RGS7BP: variants seen among roughly 807,000 people sequenced by gnomAD.
The protein encoded by RGS7BP is regulator of G protein signaling 7 binding protein.
Under a neutral mutation model 31.3 loss-of-function variants are expected in RGS7BP, and 9 were observed. That is an observed-to-expected ratio of 0.29 (90% confidence interval 0.17 to 0.50). The LOEUF (loss-of-function observed/expected upper bound fraction) is 0.50, where lower values mean the gene tolerates loss of function less well. Ranked by LOEUF, RGS7BP falls within the 20% of genes least tolerant of loss-of-function variation. RGS7BP has a pLI of 0.98. For synonymous variants in RGS7BP, 115 were observed against 120.1 expected, an observed-to-expected ratio of 0.96 and a Z score of 0.28; for missense variants, 274 against 322.0, an observed-to-expected ratio of 0.85 and a Z score of 1.14.
intron 2 of RGS7BP, among the ~76,000 whole-genome samples, chr5:64,548,695 C>T (rs148311969): frequency 0.012 from 1,884 of 151,874 alleles, 46 homozygotes; most frequent in African/African-American, 0.043. Flanking sequence ...TTAGTAGAGA[C>T]GGGGTTTCAT....
At chr5:64,542,566 A>C (rs144559725) in intron 2 of RGS7BP, among the ~76,000 whole-genome samples, 1 of 152,304 alleles carries the variant, frequency 6.6e-6, no homozygotes, top group Admixed American at 6.5e-5. Context: ...ACTCTCTGGT[A>C]TCTTTCCACT....
intron 2 of RGS7BP, among the ~76,000 whole-genome samples, chr5:64,535,604 A>AT (rs1741331882): frequency 1.3e-5 from 2 of 152,268 alleles, no homozygotes; most frequent in African/African-American, 4.8e-5. Context: ...AGGTTATCCA[A>AT]CATAGAGAGC....
intron 2 of RGS7BP, among the ~76,000 whole-genome samples, chr5:64,573,102 AATG>A (rs1388071715): frequency 5.3e-5 from 8 of 151,148 alleles, no homozygotes; most frequent in African/African-American, 1.9e-4. Flanking sequence ...GTTTACTGAG[AATG>A]ATGATTTCCA....
At chr5:64,566,572 C>T (rs555946891) in intron 2 of RGS7BP, among the ~76,000 whole-genome samples, 13 of 152,132 alleles carry the variant, frequency 8.5e-5, no homozygotes, top group African/African-American at 2.6e-4. Flanking sequence ...CTTGTTCATA[C>T]GTTGCATGTC....
intron 2 of RGS7BP, among the ~76,000 whole-genome samples, chr5:64,539,299 AT>A (rs1454058313): frequency 3.3e-5 from 5 of 151,846 alleles, no homozygotes; most frequent in Admixed American, 3.3e-4. Flanking sequence ...GTAATTTCAT[AT>A]TTTTTCCCAG....
At chr5:64,606,615 T>C (rs1332736692) in intron 5 of RGS7BP, among the ~76,000 whole-genome samples, 2 of 152,136 alleles carry the variant, frequency 1.3e-5, no homozygotes, top group African/African-American at 4.8e-5. Context: ...GAATTTGCTA[T>C]ATCTTTGCCA....
At chr5:64,586,198 T>C (rs150177021) in intron 3 of RGS7BP, among the ~76,000 whole-genome samples, 3 of 152,212 alleles carry the variant, frequency 2.0e-5, no homozygotes, top group Non-Finnish European at 4.4e-5. Context: ...AGAACTCAAA[T>C]TGGCCACTTT....
intron 5 of RGS7BP, among the ~76,000 whole-genome samples, chr5:64,605,094 T>C (rs1226641821): frequency 6.6e-6 from 1 of 152,104 alleles, no homozygotes; most frequent in Non-Finnish European, 1.5e-5. Flanking sequence ...AAATTTCCTA[T>C]TCTCCCTCTT....
intron 2 of RGS7BP, among the ~76,000 whole-genome samples, chr5:64,546,518 G>A (rs1237397794): frequency 6.6e-6 from 1 of 152,126 alleles, no homozygotes; most frequent in Non-Finnish European, 1.5e-5. Context: ...AGGATATTAG[G>A]GACCCTGAAA....
At chr5:64,556,324 G>A (rs73111053) in intron 2 of RGS7BP, among the ~76,000 whole-genome samples, 2,321 of 141,592 alleles carry the variant, frequency 0.016, 52 homozygotes, top group African/African-American at 0.056. Context: ...TTTCCACAGT[G>A]GTTGAAATGA....
chr5:64,545,807 G>A (rs1741645052), intron 2 of RGS7BP, among the ~76,000 whole-genome samples: 2 of 152,206 alleles, frequency 1.3e-5, no homozygotes, highest in Admixed American at 6.5e-5. Context: ...GTTTAGGGGT[G>A]AGATAATAAT....
In RGS7BP at chr5:64,571,004, A is replaced by C. The variant is rs559568007; in HGVS notation, c.333-4770A>C. ...AAATCTTAAGTGTACCATTCGATACATTTTGCCAAATGTATACACCCGTGT... is the reference window on the plus strand; with the variant it reads ...AAATCTTAAGTGTACCATTCGATACCTTTTGCCAAATGTATACACCCGTGT... On this transcript the variant is annotated intron_variant, in intron 2 of 5. Transcript: ENST00000334025. 4.3e-4 allele frequency among the ~76,000 whole-genome samples: 65 copies of C among 152,226 alleles called. 1 individual carries two copies. The highest frequency in any genetic ancestry group is 1.6e-3 in the Admixed American group (24 of 15,264).
chr5:64,558,569 T>G (rs895225936), intron 2 of RGS7BP, among the ~76,000 whole-genome samples: 3 of 152,094 alleles, frequency 2.0e-5, no homozygotes, highest in Non-Finnish European at 4.4e-5. Flanking sequence ...AAATTTTTCG[T>G]AAAGCCTGTG....
chr5:64,508,163 T>C (rs1748745176), intron 2 of RGS7BP, among the ~76,000 whole-genome samples: 1 of 152,284 alleles, frequency 6.6e-6, no homozygotes, highest in Non-Finnish European at 1.5e-5. Context: ...AGCATAAGAT[T>C]TGGGGTGGAT....
chr5:64,533,158 A>G (rs1003937872), intron 2 of RGS7BP, among the ~76,000 whole-genome samples: 2 of 151,984 alleles, frequency 1.3e-5, no homozygotes, highest in African/African-American at 4.8e-5. Flanking sequence ...TAGTCCCTTC[A>G]TTTCTTCCCT....
In RGS7BP at chr5:64,567,135, C is replaced by T. The variant is rs149481291; in HGVS notation, c.333-8639C>T. 1.0e-3 allele frequency among the ~76,000 whole-genome samples: 154 copies of T among 151,328 alleles called. 5 individuals are homozygous for T. In the South Asian group the frequency reaches 0.028, roughly 28 times the overall value. On this transcript the variant is annotated intron_variant, in intron 2 of 5. Coordinates refer to ENST00000334025, the MANE Select transcript of RGS7BP (RefSeq NM_001029875.3). ...TATGAACAAGCATGCACAGCTACTG[C>T]GCATGTGCACCCAGAGGACCACCCA...
Position 64,506,635 on chromosome 5 carries a change from C to T in RGS7BP, c.11C>T (p.Ala4Val), listed in dbSNP as rs372556674. Residue 4 changes from alanine to valine, a missense_variant, in exon 1 of 6, where the codon GCA (alanine) becomes GTA (valine). Around this residue, in one of 3 missense-constraint regions of RGS7BP, gnomAD observed 149 missense variants for 152.6 expected, o/e 0.98. Transcript: ENST00000334025. This position sits in a 1 kb window ranked among gnomAD's most constrained non-coding sequence, Gnocchi z 4.6. MSS[A>V]PNGRKKRPSR... is the part of the protein sequence containing the mutation. ...GGTGGATGTGTATGCATGAGTTCTG[C>T]ACCGAATGGGCGCAAAAAGCGCCCC... 1 of 1,610,860 alleles carries T rather than the reference C, an allele frequency of 6.2e-7. No individual in the cohort carries two copies. Among genetic ancestry groups the T allele is most frequent in the East Asian group, 2.2e-5 (1 of 44,706 alleles).
At position 64,577,177 on chromosome 5, in the gene RGS7BP, G is replaced by A. The variant is rs550009324; in HGVS notation, c.463+1273G>A. ...ATCTTGGCCAGGCACGGTGGCTCAC[G>A]CCTGTAATCCCAGCGCTTTGGGAGG... On this transcript the variant is annotated intron_variant, in intron 3 of 5. Coordinates refer to ENST00000334025, the MANE Select transcript of RGS7BP (RefSeq NM_001029875.3). Among the ~76,000 whole-genome samples the A allele has an allele frequency of 2.6e-5, 4 of 152,304 alleles. No individual in the cohort carries two copies. In the East Asian group the frequency reaches 5.8e-4, roughly 22 times the overall value.
intron 2 of RGS7BP, among the ~76,000 whole-genome samples, chr5:64,536,137 T>C (rs6870654): frequency 0.31 from 47,598 of 152,030 alleles, 8,220 homozygotes; most frequent in East Asian, 0.65. Context: ...GGTAATATCC[T>C]CATTAAACAT....
Sources: gnomAD v4.1 joint callset for allele counts (sites outside exome capture counted in the v4.1 genomes callset) on GRCh38, gnomAD v4.1.1 for gene constraint, gnomAD v4.1.1 regional missense constraint, Gnocchi (gnomAD v3.1) non-coding constraint, MANE v1.5 for transcripts, NCBI Gene and HGNC (gene_info 2026-07-23, HGNC 2026-07-21) for gene names.